The following CSMD2 variants were observed in gnomAD, a reference collection of about 807,000 sequenced individuals.
CSMD2 encodes CUB and Sushi multiple domains 2.
Under a neutral mutation model 398.5 loss-of-function variants are expected in CSMD2, and 130 were observed. The ratio of observed to expected loss-of-function variants is 0.33; its 90% CI spans 0.28 to 0.38. The LOEUF is 0.38. Among genes scored for constraint, CSMD2 ranks in the 10% least tolerant of loss-of-function variants. CSMD2 has a pLI of 1.00. For synonymous variants in CSMD2, 1,828 were observed against 1,908.5 expected, an observed-to-expected ratio of 0.96 and a Z score of 1.10; for missense variants, 3,829 against 4,764.9, an observed-to-expected ratio of 0.80 and a Z score of 5.78.
intron 2 of CSMD2, among the ~76,000 whole-genome samples, chr1:34,071,467 G>A (rs1655728009): frequency 6.6e-6 from 1 of 152,246 alleles, no homozygotes; most frequent in South Asian, 2.1e-4. Flanking sequence ...GATAGGGGAG[G>A]AGGTGGGTTC....
rs1649421734 is a variant in CSMD2 at position 34,024,898 on chromosome 1, T to C, written c.517+7696A>G. 3.9e-5 allele frequency among the ~76,000 whole-genome samples: 6 copies of C among 152,216 alleles called. No homozygotes were observed. In the South Asian group the frequency reaches 1.2e-3, roughly 32 times the overall value. The stretch of plus-strand genomic sequence containing the variant: ...GAACTCTTTTGGAATGAGGAAATTG[T>C]CTGAGAGGCTGAGGCCGAGAGAGAG... On this transcript the variant is annotated intron_variant, in intron 3 of 70. Transcript: ENST00000373381.
intron 12 of CSMD2, among the ~76,000 whole-genome samples, chr1:33,776,569 G>C (rs1427199226): frequency 6.6e-6 from 1 of 152,140 alleles, no homozygotes. Flanking sequence ...CCCGCCGAGG[G>C]TGCAGATGAC....
At chr1:33,830,940 G>A (rs1402337239) in intron 6 of CSMD2, among the ~76,000 whole-genome samples, 1 of 152,208 alleles carries the variant, frequency 6.6e-6, no homozygotes, top group South Asian at 2.1e-4. Context: ...ATGAAATGAA[G>A]TGAGAAGGGA....
intron 42 of CSMD2, among the ~76,000 whole-genome samples, chr1:33,604,584 C>T (rs1183456555): frequency 6.6e-6 from 1 of 152,170 alleles, no homozygotes; most frequent in Non-Finnish European, 1.5e-5. Flanking sequence ...GGATTACTGC[C>T]CTTGCTAAGG....
chr1:33,887,737 C>A, intron 5 of CSMD2, among the ~76,000 whole-genome samples: 1 of 152,174 alleles, frequency 6.6e-6, no homozygotes, highest in East Asian at 1.9e-4. Context: ...ACCTATCACT[C>A]CTCTTTAATA....
chr1:33,668,353 A>T (rs1644382560), intron 25 of CSMD2, among the ~76,000 whole-genome samples: 1 of 152,132 alleles, frequency 6.6e-6, no homozygotes, highest in Admixed American at 6.5e-5. Flanking sequence ...TGGGTAAGAA[A>T]AGATTGACAA....
rs1642759136 is a variant in CSMD2 at position 33,635,749 on chromosome 1, AC to A, written c.4970-420del. ...AGGGAGCTGAAGCTTCCCCGGACTA[AC>A]CCCATGGGGAGTGGCCAGCCCATGT... is the stretch of plus-strand genomic sequence containing the variant. On this transcript the variant is annotated intron_variant, in intron 30 of 70. Coordinates refer to ENST00000373381, the MANE Select transcript of CSMD2 (RefSeq NM_001281956.2). This position sits in a 1 kb window ranked among gnomAD's most constrained non-coding sequence, Gnocchi z 5.0. 6.6e-6 allele frequency among the ~76,000 whole-genome samples: 1 copy of A among 151,798 alleles called. No homozygotes were observed. The highest frequency in any genetic ancestry group is 1.5e-5 in the Non-Finnish European group (1 of 67,918).
intron 8 of CSMD2, 33 bp from the exon 9 acceptor site, chr1:33,819,870 C>T (rs1467534454): frequency 6.2e-7 from 1 of 1,611,800 alleles, no homozygotes; most frequent in Non-Finnish European, 8.5e-7. Context: ...GAGCTCCATC[C>T]CTGGGCCTGC....
intron 5 of CSMD2, among the ~76,000 whole-genome samples, chr1:33,897,097 C>G (rs570132254): frequency 1.3e-5 from 2 of 152,206 alleles, no homozygotes; most frequent in African/African-American, 4.8e-5. Context: ...GAACCAGAAG[C>G]TAAAGTGGCT....
Position 33,633,495 on chromosome 1 carries a change from G to A in CSMD2, c.5127C>T (p.Asn1709=), listed in dbSNP as rs1280253141. The change falls in exon 32 of 71, where the codon AAC becomes AAT. Residue 1709 remains asparagine, a synonymous_variant. Coordinates refer to ENST00000373381, the MANE Select transcript of CSMD2 (RefSeq NM_001281956.2). This position sits in a 1 kb window ranked among gnomAD's most constrained non-coding sequence, Gnocchi z 5.0. The stretch of plus-strand genomic sequence containing the variant: ...GGCCGTCGTGAACCTCCACCACGTC[G>A]TTGAGGGCCGTGTGAAAGAAGGCGA... ...GQFAFFHTAL[N]DVVEVHDGHS... 1.3e-6 allele frequency: 2 copies of A among 1,553,620 alleles called. No homozygotes were observed. Among genetic ancestry groups the A allele is most frequent in the Non-Finnish European group, 1.7e-6 (2 of 1,148,068 alleles).
intron 5 of CSMD2, among the ~76,000 whole-genome samples, chr1:33,908,103 A>C (rs1359767401): frequency 6.9e-6 from 1 of 144,908 alleles, no homozygotes; most frequent in Non-Finnish European, 1.6e-5. Context: ...AAAAAAAAAA[A>C]AAAAGAAAAG....
intron 55 of CSMD2, among the ~76,000 whole-genome samples, chr1:33,553,944 C>T (rs1014208384): frequency 2.0e-5 from 3 of 152,008 alleles, no homozygotes; most frequent in Admixed American, 1.3e-4. Context: ...GAGCAAGGCC[C>T]TGACCCTCTT....
At chr1:33,719,368 G>C (rs1025722570) in intron 19 of CSMD2, among the ~76,000 whole-genome samples, 2 of 152,234 alleles carry the variant, frequency 1.3e-5, no homozygotes, top group Non-Finnish European at 2.9e-5. Context: ...TGCAAATAGA[G>C]CCCTTCCAAA....
intron 5 of CSMD2, among the ~76,000 whole-genome samples, chr1:33,877,959 GC>G: frequency 6.6e-6 from 1 of 152,210 alleles, no homozygotes. Context: ...GATGAGTGGA[GC>G]CAATCAGATT....
At chr1:33,935,073 A>G (rs1279130359) in intron 4 of CSMD2, among the ~76,000 whole-genome samples, 3 of 143,906 alleles carry the variant, frequency 2.1e-5, no homozygotes, top group Non-Finnish European at 3.1e-5. Flanking sequence ...GGAAGAAAGG[A>G]AAAAAAAAAG....
rs77991929 is a variant in CSMD2, at chr1:33,519,635, C to T, written c.10779G>A (p.Glu3593=). ...KVPFNGYAGH[E]NTNVRATFEN... ...CAAATGTGGCCCGAACATTGGTGTT[C>T]TCGTGGCCAGCATAGCCATTGAAAG... is the stretch of plus-strand genomic sequence containing the variant. Residue 3593 remains glutamate (E), a synonymous_variant, in exon 70 of 71, where the codon GAG becomes GAA. Coordinates refer to ENST00000373381, the MANE Select transcript of CSMD2 (RefSeq NM_001281956.2). This position sits in a 1 kb window ranked among gnomAD's most constrained non-coding sequence, Gnocchi z 5.6. The T allele has an allele frequency of 1.2e-6, 2 of 1,614,032 alleles. No individual in the cohort carries two copies. Among genetic ancestry groups the T allele is most frequent in the African/African-American group, 1.3e-5 (1 of 74,992 alleles).
intron 10 of CSMD2, among the ~76,000 whole-genome samples, chr1:33,803,710 T>C (rs566190365): frequency 1.3e-5 from 2 of 152,368 alleles, no homozygotes; most frequent in African/African-American, 4.8e-5. Flanking sequence ...CCTTGGTGGA[T>C]GTCCCCATTT....
intron 25 of CSMD2, among the ~76,000 whole-genome samples, chr1:33,680,872 A>G (rs182917188): frequency 3.5e-5 from 5 of 141,294 alleles, no homozygotes. Context: ...GTTAGCCATT[A>G]CTGTTGACTA....
At chr1:33,649,661 A>G (rs190017114) in intron 28 of CSMD2, among the ~76,000 whole-genome samples, 156 of 152,280 alleles carry the variant, frequency 1.0e-3, no homozygotes, top group Non-Finnish European at 1.8e-3. Context: ...AAACAAAACA[A>G]AAACAATATA....
Sources: gnomAD v4.1 joint callset for allele counts (sites outside exome capture counted in the v4.1 genomes callset) on GRCh38, gnomAD v4.1.1 for gene constraint, Gnocchi (gnomAD v3.1) non-coding constraint, MANE v1.5 for transcripts, NCBI Gene and HGNC (gene_info 2026-07-23, HGNC 2026-07-21) for gene names.